PHYHIPL: variants seen among roughly 807,000 people sequenced by gnomAD.
PHYHIPL encodes the protein phytanoyl-CoA hydroxylase-interacting protein-like.
A neutral mutation model predicts 33.4 loss-of-function variants in PHYHIPL; 9 were observed. That is an observed-to-expected ratio of 0.27 (90% CI 0.16 to 0.47). The LOEUF (loss-of-function observed/expected upper bound fraction) is 0.47. Among genes scored for constraint, PHYHIPL ranks in the 20% least tolerant of loss-of-function variants. The pLI, the probability that PHYHIPL is intolerant of heterozygous loss-of-function variation, is 0.99. For missense variants in PHYHIPL, 365 were observed against 460.7 expected (o/e 0.79, Z 1.90); for synonymous variants, 153 against 154.1 (o/e 0.99, Z 0.05).
chr10:59,218,399 A>C (rs1238464806), intron 1 of PHYHIPL, among the ~76,000 whole-genome samples: 3 of 152,186 alleles, frequency 2.0e-5, no homozygotes, highest in Non-Finnish European at 4.4e-5. Context: ...TAATTTAAGT[A>C]ATCTCTTTAG....
intron 1 of PHYHIPL, among the ~76,000 whole-genome samples, chr10:59,216,977 C>G (rs532738599): frequency 6.6e-6 from 1 of 152,204 alleles, no homozygotes; most frequent in South Asian, 2.1e-4. Flanking sequence ...AGTCATACTT[C>G]TAACTATCTG....
At chr10:59,218,646 G>A (rs1839680254) in intron 1 of PHYHIPL, among the ~76,000 whole-genome samples, 1 of 151,924 alleles carries the variant, frequency 6.6e-6, no homozygotes, top group African/African-American at 2.4e-5. Context: ...AAATAGGGCT[G>A]GATTCATATA....
chr10:59,185,232 C>T (rs563446868), intron 1 of PHYHIPL, among the ~76,000 whole-genome samples: 13 of 152,076 alleles, frequency 8.5e-5, no homozygotes, highest in East Asian at 5.8e-4. Context: ...CCTCGTGATC[C>T]GCCCGCCTCG....
At chr10:59,226,531 A>G (rs1839930221) in intron 1 of PHYHIPL, among the ~76,000 whole-genome samples, 1 of 152,080 alleles carries the variant, frequency 6.6e-6, no homozygotes, top group African/African-American at 2.4e-5. Flanking sequence ...AATCATTGCT[A>G]AGGAGGAGTT....
chr10:59,227,997 A>G (rs1212966384), intron 1 of PHYHIPL, among the ~76,000 whole-genome samples: 1 of 110,736 alleles, frequency 9.0e-6, no homozygotes, highest in Non-Finnish European at 1.8e-5. Context: ...TGTTTTAAAT[A>G]ACAGTATATA....
chr10:59,233,497 G>A (rs955378125), intron 1 of PHYHIPL, among the ~76,000 whole-genome samples: 8 of 151,650 alleles, frequency 5.3e-5, no homozygotes, highest in Admixed American at 1.3e-4. Flanking sequence ...AGAAAAAAAT[G>A]GGGTAAAATT....
intron 4 of PHYHIPL, among the ~76,000 whole-genome samples, chr10:59,244,055 T>G (rs1342314327): frequency 6.6e-6 from 1 of 152,074 alleles, no homozygotes; most frequent in Admixed American, 6.5e-5. Flanking sequence ...TACCCAAAGC[T>G]TTACCTCCTC....
In PHYHIPL at chr10:59,245,733, A is replaced by G. The variant is rs1214052483; in HGVS notation, c.*142A>G. On this transcript the variant is annotated 3_prime_UTR_variant, in exon 5 of 5. Coordinates refer to ENST00000373880, the MANE Select transcript of PHYHIPL (RefSeq NM_032439.4). The stretch of plus-strand genomic sequence containing the variant: ...CAAAACAAACAACTACCACTTTCCA[A>G]ATTTCATTCAGAACCATTTTAGTGT... 1 of 873,810 alleles carries G rather than the reference A, an allele frequency of 1.1e-6. No homozygotes were observed. The highest frequency in any genetic ancestry group is 1.7e-6 in the Non-Finnish European group (1 of 590,158). The allele number at this position is 873,810 out of a possible 1,614,324, so 54.1% of individuals were successfully genotyped here. A position where few individuals can be genotyped will look rare whatever the true frequency, so the allele number is the denominator to read the frequency against.
intron 1 of PHYHIPL, among the ~76,000 whole-genome samples, chr10:59,203,160 GA>G (rs1839177251): frequency 6.6e-6 from 1 of 152,066 alleles, no homozygotes; most frequent in Non-Finnish European, 1.5e-5. Flanking sequence ...ACAGACACAT[GA>G]AAAAATGCTC....
At position 59,180,739 on chromosome 10, in the gene PHYHIPL, T is replaced by C. The variant is rs1838394215; in HGVS notation, c.106+3780T>C. ...AAGATAAATTTCTTTGAATGTTGAG[T>C]TTATCAAATTTATTTAAATTATAAG... On this transcript the variant is annotated intron_variant, in intron 1 of 4. Transcript: ENST00000373880. 2.6e-5 allele frequency among the ~76,000 whole-genome samples: 4 copies of C among 152,262 alleles called. No individual in the cohort carries two copies. The South Asian group carries it at 8.3e-4, about 32-fold the overall frequency.
intron 1 of PHYHIPL, among the ~76,000 whole-genome samples, chr10:59,194,643 T>C (rs1838862721): frequency 6.6e-6 from 1 of 152,200 alleles, no homozygotes; most frequent in Non-Finnish European, 1.5e-5. Context: ...AGTTCTGCAG[T>C]GTTCTTCGTT....
intron 2 of PHYHIPL, among the ~76,000 whole-genome samples, chr10:59,236,051 A>G (rs796429203): frequency 4.0e-5 from 6 of 151,734 alleles, no homozygotes; most frequent in African/African-American, 1.5e-4. Context: ...AGAATGTTGC[A>G]TTTTGAGGAG....
At chr10:59,188,219 A>G (rs1049196594) in intron 1 of PHYHIPL, among the ~76,000 whole-genome samples, 2 of 152,176 alleles carry the variant, frequency 1.3e-5, no homozygotes, top group African/African-American at 2.4e-5. Flanking sequence ...TCATTTTGTT[A>G]TGTACCCGGT....
intron 1 of PHYHIPL, among the ~76,000 whole-genome samples, chr10:59,214,663 A>C: frequency 6.6e-6 from 1 of 152,084 alleles, no homozygotes; most frequent in Non-Finnish European, 1.5e-5. Flanking sequence ...GTGTTAAATT[A>C]AAATCCTATA....
intron 4 of PHYHIPL, 28 bp downstream of exon 4, chr10:59,238,733 G>A: frequency 7.1e-7 from 1 of 1,407,836 alleles, no homozygotes. Context: ...ATAGTGATTT[G>A]TTTTACTAAA....
At position 59,177,388 on chromosome 10, in the gene PHYHIPL, C is replaced by T. The variant is rs1838283094; in HGVS notation, c.106+429C>T. On this transcript the variant is annotated intron_variant, in intron 1 of 4. Transcript: ENST00000373880. ...ACACACACTAGTTGGCATTCTCTTC[C>T]AGAAACTTATCATTTTCTTTTTTAA... 6 of 1,327,326 alleles carry T rather than the reference C, an allele frequency of 4.5e-6. No homozygotes were observed. The South Asian group carries it at 7.8e-5, about 17-fold the overall frequency. The allele number at this position is 1,327,326 out of a possible 1,614,324, so 82.2% of individuals were successfully genotyped here.
chr10:59,245,088 G>C lies in PHYHIPL; in HGVS notation c.628G>C (p.Val210Leu), dbSNP rs1840608906. 6.2e-7 allele frequency: 1 copy of C among 1,612,922 alleles called. No individual in the cohort carries two copies. Among genetic ancestry groups the C allele is most frequent in the African/African-American group, 1.3e-5 (1 of 74,884 alleles). Residue 210 changes from valine (V) to leucine (L), a missense_variant, in exon 5 of 5, where the codon GTC becomes CTC. Physicochemically the swap from Val to Leu is conservative, Grantham distance 32. Transcript: ENST00000373880. ...TCATGGGAATGCTATGCAGCCATCTGTCAAGGATAACAGTGGTAGCCATGG... is the reference window on the plus strand; with the variant it reads ...TCATGGGAATGCTATGCAGCCATCTCTCAAGGATAACAGTGGTAGCCATGG... ...EHHGNAMQPS[V>L]KDNSGSHGSP...
intron 1 of PHYHIPL, among the ~76,000 whole-genome samples, chr10:59,231,595 G>C (rs376946586): frequency 1.8e-4 from 28 of 152,018 alleles, no homozygotes; most frequent in African/African-American, 6.8e-4. Context: ...TATAGGAGAT[G>C]GAAGGACACA....
intron 1 of PHYHIPL, among the ~76,000 whole-genome samples, chr10:59,227,975 G>GAGAGATATATATATATATATATATATAT (rs10530291): frequency 5.8e-4 from 84 of 145,552 alleles, no homozygotes; most frequent in Non-Finnish European, 9.3e-4. Context: ...TGCCTATTGA[G>GAGAGATATATATATATATATATATATAT]ATATATATAT....
Sources: gnomAD v4.1 joint callset for allele counts (sites outside exome capture counted in the v4.1 genomes callset) on GRCh38, gnomAD v4.1.1 for gene constraint, MANE v1.5 for transcripts, NCBI Gene and HGNC (gene_info 2026-07-23, HGNC 2026-07-21) for gene names.